The following FLT4 variants were observed in gnomAD, a reference collection of about 807,000 sequenced individuals.
The protein encoded by FLT4 is fms related receptor tyrosine kinase 4.
FLT4 carries 30 observed loss-of-function variants against 163.2 expected under a neutral mutation model. The ratio of observed to expected loss-of-function variants is 0.18; its 90% CI spans 0.14 to 0.25. The LOEUF (loss-of-function observed/expected upper bound fraction) is 0.25. Among genes scored for constraint, FLT4 ranks in the 10% least tolerant of loss-of-function variants. The pLI is 1.00. For missense variants in FLT4, 1,510 were observed against 1,863.8 expected (o/e 0.81, Z 3.50); for synonymous variants, 884 against 789.5 (o/e 1.12, Z -2.01).
chr5:180,605,953 A>G (rs888950324), intron 29 of FLT4, among the ~76,000 whole-genome samples: 1 of 152,210 alleles, frequency 6.6e-6, no homozygotes, highest in Non-Finnish European at 1.5e-5. Flanking sequence ...ACCAGTGGTT[A>G]ACAGGAGACA....
intron 17 of FLT4, 82 bp from the exon 18 acceptor site, chr5:180,619,851 G>C: frequency 1.0e-6 from 1 of 993,692 alleles, no homozygotes. Flanking sequence ...GCCCCGTGCA[G>C]AGGTCCAGGA....
At chr5:180,627,465 C>T (rs191769972) in intron 8 of FLT4, among the ~76,000 whole-genome samples, 1 of 152,304 alleles carries the variant, frequency 6.6e-6, no homozygotes, top group East Asian at 1.9e-4. Context: ...TTGCAGCTGT[C>T]GTGAGGTTTA....
intron 1 of FLT4, among the ~76,000 whole-genome samples, chr5:180,645,681 C>T (rs1415584281): frequency 2.6e-5 from 4 of 152,216 alleles, no homozygotes; most frequent in East Asian, 1.9e-4. Flanking sequence ...GCTGTTACCC[C>T]GTCCAGCCCG....
chr5:180,632,436 A>G (rs1764255402), intron 1 of FLT4, among the ~76,000 whole-genome samples: 1 of 151,938 alleles, frequency 6.6e-6, no homozygotes, highest in South Asian at 2.1e-4. Context: ...GCCTCCCTAG[A>G]CACCCCCAGG....
At chr5:180,633,742 T>C (rs1006895415) in intron 1 of FLT4, among the ~76,000 whole-genome samples, 4 of 152,096 alleles carry the variant, frequency 2.6e-5, no homozygotes, top group Non-Finnish European at 4.4e-5. Context: ...TGGGTGGTGG[T>C]CTGTCCTCAG....
At chr5:180,613,957 C>A in intron 24 of FLT4, 111 bp downstream of exon 24, 1 of 809,478 alleles carries the variant, frequency 1.2e-6, no homozygotes, top group East Asian at 2.5e-5. Context: ...TTCAGAACGA[C>A]CTGGCACACA....
chr5:180,649,360 C>A, intron 1 of FLT4, 128 bp downstream of exon 1: 3 of 629,402 alleles, frequency 4.8e-6, no homozygotes, highest in Non-Finnish European at 7.2e-6. Context: ...CTCAGGCGTC[C>A]GCGCACCAGG....
Position 180,621,628 on chromosome 5 carries a change from G to A in FLT4, c.1934C>T (p.Pro645Leu). The change falls in exon 13 of 30, where the codon CCC becomes CTC. Residue 645 changes from proline to leucine, a missense_variant. By Grantham distance (98) the Pro-to-Leu change is moderately conservative. Coordinates refer to ENST00000261937, the MANE Select transcript of FLT4 (RefSeq NM_182925.5). ...GCACACATAGTGGCCCTCGTGCTCG[G>A]GCGCGACGCGGGGGATACTCAGGCT... Reference protein sequence around the residue: ...TLSLSIPRVAPEHEGHYVCEV... With the variant: ...TLSLSIPRVALEHEGHYVCEV... 2 of 1,605,986 alleles carry A rather than the reference G, an allele frequency of 1.2e-6. No homozygotes were observed. Among genetic ancestry groups the A allele is most frequent in the Non-Finnish European group, 1.7e-6 (2 of 1,174,800 alleles).
In FLT4 at chr5:180,623,165, T is replaced by C. The variant is rs1165429515; in HGVS notation, c.1549-326A>G. Among the ~76,000 whole-genome samples, 8 of 152,108 alleles carry C rather than the reference T, an allele frequency of 5.3e-5. No individual in the cohort carries two copies. Among genetic ancestry groups the C allele is most frequent in the Admixed American group, 5.2e-4 (8 of 15,274 alleles). ...TGGCTATGTTGAGGGGGCACCAGCGTCAGTGCAAGCCAGGGTGAGAATTCA... is the reference window on the plus strand; with the variant it reads ...TGGCTATGTTGAGGGGGCACCAGCGCCAGTGCAAGCCAGGGTGAGAATTCA... On this transcript the variant is annotated intron_variant, in intron 11 of 29. Coordinates refer to ENST00000261937, the MANE Select transcript of FLT4 (RefSeq NM_182925.5). The surrounding 1 kb of genome is among the most constrained non-coding windows in gnomAD (Gnocchi z 5.8).
chr5:180,630,748 G>C lies in FLT4; in HGVS notation c.207C>G (p.Ala69=), dbSNP rs767913111. The C allele has an allele frequency of 1.2e-6, 2 of 1,609,924 alleles. No homozygotes were observed. Among genetic ancestry groups the C allele is most frequent in the Non-Finnish European group, 1.7e-6 (2 of 1,179,838 alleles). The change falls in exon 3 of 30, where the codon GCC becomes GCG. Residue 69 remains alanine (A), a synonymous_variant. Transcript: ENST00000261937. The surrounding 1 kb of genome is among the most constrained non-coding windows in gnomAD (Gnocchi z 6.3). ...WAWPGAQEAP[A]TGDKDSEDTG... ...TGTCCTCGCTGTCCTTGTCTCCGGT[G>C]GCTGGCGCCTCCTGAGCTCCTGGCC...
chr5:180,629,843 C>T lies in FLT4; in HGVS notation c.677-8G>A, dbSNP rs977082684. On this transcript the variant is annotated splice_region_variant and splice_polypyrimidine_tract_variant and intron_variant, in intron 5 of 29. Coordinates refer to ENST00000261937, the MANE Select transcript of FLT4 (RefSeq NM_182925.5). ...TGTCATAGAGCTCGTTGCCTGTTGA[C>T]ACGCACACAGTGACTCCCACGCCCT... 7 of 1,612,482 alleles carry T rather than the reference C, an allele frequency of 4.3e-6. No individual in the cohort carries two copies. Among genetic ancestry groups the T allele is most frequent in the Middle Eastern group, 1.6e-4 (1 of 6,080 alleles).
chr5:180,621,930 G>A (rs890582283), intron 12 of FLT4, 26 bp from the exon 13 acceptor site: 2 of 1,612,364 alleles, frequency 1.2e-6, no homozygotes, highest in African/African-American at 2.7e-5. Flanking sequence ...GAAGCCCTGT[G>A]GCACTGCCCT....
intron 1 of FLT4, among the ~76,000 whole-genome samples, chr5:180,643,886 G>A (rs1765322501): frequency 6.6e-6 from 1 of 151,932 alleles, no homozygotes; most frequent in Non-Finnish European, 1.5e-5. Context: ...CAGTGGCACG[G>A]TCTCGGCTCA....
intron 8 of FLT4, 39 bp downstream of exon 8, chr5:180,628,843 A>G: frequency 7.1e-7 from 1 of 1,408,652 alleles, no homozygotes; most frequent in Non-Finnish European, 1.0e-6. Context: ...TGGACTTGGA[A>G]GGGTATCGGC....
chr5:180,621,074 G>A (rs1561717744), intron 14 of FLT4, 32 bp downstream of exon 14: 2 of 1,612,632 alleles, frequency 1.2e-6, no homozygotes, highest in African/African-American at 2.7e-5. Flanking sequence ...CGGGCCTCCG[G>A]ACCTGCCCTT....
Position 180,622,778 on chromosome 5 carries a change from G to A in FLT4, c.1610C>T (p.Ser537Phe). ...CCGCTCATCCTGGCCCACCTTGTTGGAGACCACACACTTGTACATGGCAGA... is the reference window on the plus strand; with the variant it reads ...CCGCTCATCCTGGCCCACCTTGTTGAAGACCACACACTTGTACATGGCAGA... Reference protein sequence around the residue: ...NVSAMYKCVVSNKVGQDERLI... With the variant: ...NVSAMYKCVVFNKVGQDERLI... Residue 537 changes from serine (S) to phenylalanine (F), a missense_variant, in exon 12 of 30, where the codon TCC (serine) becomes TTC (phenylalanine). Around this residue, in one of 5 missense-constraint regions of FLT4, gnomAD observed 878 missense variants for 1,016.7 expected, o/e 0.86. Transcript: ENST00000261937. 5 of 1,613,614 alleles carry A rather than the reference G, an allele frequency of 3.1e-6. No homozygotes were observed. Among genetic ancestry groups the A allele is most frequent in the Non-Finnish European group, 3.4e-6 (4 of 1,179,902 alleles).
At chr5:180,614,408 G>C (rs977828506) in intron 23 of FLT4, among the ~76,000 whole-genome samples, 1 of 152,030 alleles carries the variant, frequency 6.6e-6, no homozygotes, top group African/African-American at 2.4e-5. Context: ...TGTTCTCCTG[G>C]GTCTGTCTGG....
intron 6 of FLT4, 115 bp from the exon 7 acceptor site, chr5:180,629,542 CCT>C: frequency 6.7e-7 from 1 of 1,484,108 alleles, no homozygotes; most frequent in East Asian, 2.3e-5. Context: ...GGACCCAGGC[CCT>C]GAGTTTTCTT....
intron 1 of FLT4, among the ~76,000 whole-genome samples, chr5:180,637,132 A>C (rs1187618051): frequency 6.6e-6 from 1 of 151,990 alleles, no homozygotes; most frequent in Non-Finnish European, 1.5e-5. Flanking sequence ...AGGCGGGCGG[A>C]CCATCCTGGC....
Sources: allele counts gnomAD v4.1 joint callset (sites outside exome capture counted in the v4.1 genomes callset), GRCh38; gene constraint gnomAD v4.1.1; regional missense constraint gnomAD v4.1.1; non-coding constraint Gnocchi (gnomAD v3.1); transcripts MANE v1.5; gene names NCBI Gene and HGNC (gene_info 2026-07-23, HGNC 2026-07-21).